GGA2: variants seen among roughly 807,000 people sequenced by gnomAD.
GGA2 encodes the protein golgi associated, gamma adaptin ear containing, ARF binding protein 2.
Under a neutral mutation model 79.5 loss-of-function variants are expected in GGA2, and 48 were observed. That is an observed-to-expected ratio of 0.60 (90% CI 0.48 to 0.77). The LOEUF is 0.77. Among genes scored for constraint, GGA2 ranks in the 30% least tolerant of loss-of-function variants. The probability of loss-of-function intolerance (pLI) is 0.00; values close to 1 mark genes in which losing one functional copy is unlikely to be tolerated. For missense variants in GGA2, 770 were observed against 774.0 expected (o/e 0.99, Z 0.06); for synonymous variants, 317 against 302.0 (o/e 1.05, Z -0.51).
At chr16:23,510,560 C>G, upstream of GGA2, 1 of 389,498 alleles carries the variant, frequency 2.6e-6, no homozygotes, top group South Asian at 1.1e-4. Context: ...CAGGCCCCCC[C>G]TCCACGCGGG....
chr16:23,511,318 A>AT (rs35947720), upstream of GGA2, among the ~76,000 whole-genome samples: 870 of 144,346 alleles, frequency 6.0e-3, 7 homozygotes, highest in African/African-American at 8.8e-3. Flanking sequence ...ACACCCAGCT[A>AT]TTTTTTTTTT....
chr16:23,507,954 T>A (rs965372429), intron 1 of GGA2, among the ~76,000 whole-genome samples: 5 of 152,026 alleles, frequency 3.3e-5, no homozygotes, highest in African/African-American at 4.8e-5. Context: ...AGTGAGACTC[T>A]GTTTCAAAAA....
At chr16:23,520,428 C>T (rs887905428) in intron 1 of GGA2, among the ~76,000 whole-genome samples, 3 of 152,062 alleles carry the variant, frequency 2.0e-5, no homozygotes, top group African/African-American at 7.2e-5. Flanking sequence ...GTGCCCTTCA[C>T]TGCTGCACTA....
chr16:23,501,564 T>C (rs537603175), intron 1 of GGA2: 51 of 327,236 alleles, frequency 1.6e-4, no homozygotes, highest in African/African-American at 1.1e-3. Flanking sequence ...CTGGAGGCTG[T>C]GTCATGGCCG....
At chr16:23,505,916 T>C (rs1032936661) in intron 1 of GGA2, among the ~76,000 whole-genome samples, 3 of 152,208 alleles carry the variant, frequency 2.0e-5, no homozygotes, top group Non-Finnish European at 4.4e-5. Flanking sequence ...ACTCTGGGAC[T>C]TTCTTTACTT....
upstream of GGA2, among the ~76,000 whole-genome samples, chr16:23,513,797 A>AG (rs1359316420): frequency 1.4e-4 from 8 of 56,538 alleles, no homozygotes; most frequent in Non-Finnish European, 1.9e-4. Flanking sequence ...AAAAAAAAAA[A>AG]AAAGAAAGAA....
chr16:23,465,833 C>T lies in GGA2; in HGVS notation c.*1757G>A, dbSNP rs773808073. 5 of 167,736 alleles carry T rather than the reference C, an allele frequency of 3.0e-5. No individual in the cohort carries two copies. Among genetic ancestry groups the T allele is most frequent in the Admixed American group, 5.7e-5 (1 of 17,618 alleles). The allele number at this position is 167,736 out of a possible 1,614,324, so 10.4% of individuals were successfully genotyped here. A position where few individuals can be genotyped will look rare whatever the true frequency, so the allele number is the denominator to read the frequency against. Reference sequence around the variant, plus strand: ...GCTCACGCCTGTAGTCCCAGCTACTCGAGAGGCTGAGGCACGAGAATCGCT... The same window carrying T: ...GCTCACGCCTGTAGTCCCAGCTACTTGAGAGGCTGAGGCACGAGAATCGCT... On this transcript the variant is annotated 3_prime_UTR_variant, in exon 17 of 17. Transcript: ENST00000309859.
upstream of GGA2, chr16:23,510,538 C>A: frequency 2.8e-6 from 1 of 357,254 alleles, no homozygotes. Context: ...GCCGCTGGCG[C>A]CACGCCCACC....
rs1308580400 is a variant in GGA2, at chr16:23,478,857, C to T, written c.1158+26G>A. The T allele has an allele frequency of 2.6e-6, 4 of 1,561,462 alleles. No homozygotes were observed. The South Asian group carries it at 4.4e-5, about 17-fold the overall frequency. ...GGTCTGAGACCCTCCCATTCTCTCT[C>T]CGGGCCCTGGGAAGGGCATCCTTAC... On this transcript the variant is annotated intron_variant, in intron 12 of 16. Transcript: ENST00000309859.
At chr16:23,494,702 T>G (rs1596990361) in intron 2 of GGA2, among the ~76,000 whole-genome samples, 1 of 152,124 alleles carries the variant, frequency 6.6e-6, no homozygotes, top group Admixed American at 6.5e-5. Flanking sequence ...TGTATGGCTG[T>G]GATAAATACC....
intron 16 of GGA2, among the ~76,000 whole-genome samples, chr16:23,468,508 C>G (rs1358315789): frequency 1.4e-5 from 2 of 140,034 alleles, no homozygotes; most frequent in African/African-American, 5.4e-5. Flanking sequence ...GAGTCTTGCT[C>G]TGTTGCCCAG....
At chr16:23,476,959 A>C (rs1964582955) in intron 13 of GGA2, among the ~76,000 whole-genome samples, 1 of 152,142 alleles carries the variant, frequency 6.6e-6, no homozygotes. Flanking sequence ...GCAGCACATT[A>C]AACTTTTTTT....
chr16:23,514,699 A>G (rs887003228), upstream of GGA2, among the ~76,000 whole-genome samples: 1 of 152,082 alleles, frequency 6.6e-6, no homozygotes, highest in Non-Finnish European at 1.5e-5. Context: ...CAATCCTCCC[A>G]AAGTGCTGGG....
intron 13 of GGA2, among the ~76,000 whole-genome samples, chr16:23,477,233 T>C (rs758298687): frequency 1.8e-4 from 27 of 152,180 alleles, no homozygotes; most frequent in Admixed American, 1.5e-3. Context: ...ATTACAGGTA[T>C]GATATGGTTT....
At chr16:23,486,183 G>T (rs200011706) in intron 7 of GGA2, 31 bp from the exon 8 acceptor site, 1 of 1,610,176 alleles carries the variant, frequency 6.2e-7, no homozygotes, top group Admixed American at 1.7e-5. Flanking sequence ...ATGGGAGTGA[G>T]GGAGCAGAAA....
chr16:23,510,962 TCACCATGTTGCCCGGGTGGTCTC>T (rs1965046724), upstream of GGA2, among the ~76,000 whole-genome samples: 1 of 132,750 alleles, frequency 7.5e-6, no homozygotes, highest in Non-Finnish European at 1.6e-5. Flanking sequence ...AGACTGGGTT[TCACCATGTTGCCCGGGTGGTCTC>T]GAACTCCTGG....
At position 23,475,122 on chromosome 16, in the gene GGA2, G is replaced by T. The variant is rs560145146; in HGVS notation, c.1293-61C>A. 8.4e-4 allele frequency: 895 copies of T among 1,070,700 alleles called. 15 individuals carry two copies. In the South Asian group the frequency reaches 0.013, roughly 15 times the overall value. 66.3% of individuals were successfully genotyped at this position (1,070,700 alleles called of 1,614,324 possible). A position where few individuals can be genotyped will look rare whatever the true frequency, so the allele number is the denominator to read the frequency against. On this transcript the variant is annotated intron_variant, in intron 13 of 16. Transcript: ENST00000309859. ...AATTGTAGCGATTTCCTGGAATCTG[G>T]GTTAGGCTTATTAAAGAACAAGGAA...
chr16:23,497,420 G>A (rs1423857345), intron 1 of GGA2, among the ~76,000 whole-genome samples: 4 of 152,098 alleles, frequency 2.6e-5, no homozygotes, highest in Non-Finnish European at 4.4e-5. Context: ...AGCACAGTCC[G>A]AGTTGAATTT....
intron 13 of GGA2, 104 bp from the exon 14 acceptor site, chr16:23,475,165 C>T (rs1021451497): frequency 2.7e-5 from 17 of 627,856 alleles, no homozygotes; most frequent in Non-Finnish European, 4.8e-5. Flanking sequence ...CACACACACA[C>T]ACACAGAGTT....
Sources: gnomAD v4.1 joint callset for allele counts (sites outside exome capture counted in the v4.1 genomes callset) on GRCh38, gnomAD v4.1.1 for gene constraint, MANE v1.5 for transcripts, NCBI Gene and HGNC (gene_info 2026-07-23, HGNC 2026-07-21) for gene names.